Variants in LHFPL2 observed in about 807,000 individuals in gnomAD.
LHFPL2 encodes LHFPL tetraspan subfamily member 2.
Under a neutral mutation model 17.5 loss-of-function variants are expected in LHFPL2, and 7 were observed. The observed-to-expected ratio is 0.40, with a 90% CI of 0.23 to 0.75. The LOEUF is 0.75. Ranked by LOEUF, LHFPL2 falls within the 30% of genes least tolerant of loss-of-function variation. The pLI is 0.37. For missense variants in LHFPL2, 241 were observed against 294.8 expected (o/e 0.82, Z 1.34); for synonymous variants, 134 against 116.2 (o/e 1.15, Z -0.99).
chr5:78,599,209 T>C (rs1309784968), intron 2 of LHFPL2, among the ~76,000 whole-genome samples: 4 of 152,186 alleles, frequency 2.6e-5, no homozygotes, highest in Admixed American at 6.5e-5. Flanking sequence ...TCTCAATTAA[T>C]GTAAATTGTA....
intron 3 of LHFPL2, among the ~76,000 whole-genome samples, chr5:78,552,826 C>T (rs969326266): frequency 1.3e-5 from 2 of 152,122 alleles, no homozygotes; most frequent in East Asian, 1.9e-4. Flanking sequence ...GTGCATAAAG[C>T]GTGTCAATTT....
intron 4 of LHFPL2, among the ~76,000 whole-genome samples, chr5:78,491,587 G>C (rs1033584836): frequency 1.3e-5 from 2 of 152,226 alleles, no homozygotes; most frequent in African/African-American, 4.8e-5. Flanking sequence ...GACCACAGCA[G>C]AGACTCACCA....
chr5:78,624,528 G>C (rs942454319), intron 2 of LHFPL2, among the ~76,000 whole-genome samples: 6 of 152,222 alleles, frequency 3.9e-5, no homozygotes, highest in African/African-American at 1.4e-4. Context: ...AGAGTGGGCA[G>C]ATGAAACCTA....
intron 1 of LHFPL2, among the ~76,000 whole-genome samples, chr5:78,645,540 G>GCATACACATACA (rs200179016): frequency 1.2e-5 from 1 of 86,206 alleles, no homozygotes; most frequent in Non-Finnish European, 2.3e-5. Flanking sequence ...ACAGACAGAT[G>GCATACACATACA]CATACACACA....
chr5:78,647,813 T>C (rs1745937636), intron 1 of LHFPL2, among the ~76,000 whole-genome samples: 1 of 151,078 alleles, frequency 6.6e-6, no homozygotes, highest in African/African-American at 2.4e-5. Flanking sequence ...ACTGGGCCGC[T>C]GAATGGAAGG....
intron 2 of LHFPL2, among the ~76,000 whole-genome samples, chr5:78,584,480 T>G (rs1743288873): frequency 6.6e-6 from 1 of 152,168 alleles, no homozygotes; most frequent in African/African-American, 2.4e-5. Flanking sequence ...GTCCTTTCTG[T>G]TTGTGAGTTT....
chr5:78,644,145 ATG>A, intron 1 of LHFPL2: 1 of 530,490 alleles, frequency 1.9e-6, no homozygotes, highest in East Asian at 3.4e-5. Flanking sequence ...AAAAAAGACA[ATG>A]TACAATTTCA....
chr5:78,619,173 G>A (rs908721406), intron 2 of LHFPL2, among the ~76,000 whole-genome samples: 1 of 152,094 alleles, frequency 6.6e-6, no homozygotes, highest in African/African-American at 2.4e-5. Flanking sequence ...CTAGAAGTGT[G>A]TGCCACCACA....
At chr5:78,571,039 G>C (rs960250727) in intron 2 of LHFPL2, among the ~76,000 whole-genome samples, 1 of 152,088 alleles carries the variant, frequency 6.6e-6, no homozygotes, top group Non-Finnish European at 1.5e-5. Context: ...CACTCTCATG[G>C]AGGCATCTGG....
intron 2 of LHFPL2, among the ~76,000 whole-genome samples, chr5:78,631,407 G>A (rs531653845): frequency 2.0e-4 from 31 of 152,284 alleles, no homozygotes; most frequent in African/African-American, 7.5e-4. Context: ...TACTTGGGAT[G>A]AACGTTCTTC....
chr5:78,642,907 T>C (rs532501062), intron 1 of LHFPL2, among the ~76,000 whole-genome samples: 1 of 152,198 alleles, frequency 6.6e-6, no homozygotes, highest in South Asian at 2.1e-4. Context: ...GCCTCTCCTC[T>C]CTCCACCACC....
chr5:78,610,162 C>T (rs977508705), intron 2 of LHFPL2, among the ~76,000 whole-genome samples: 12 of 152,140 alleles, frequency 7.9e-5, no homozygotes, highest in African/African-American at 2.4e-4. Context: ...ACCAGCCTCC[C>T]AGTCAGCAAT....
At chr5:78,498,352 A>G (rs771529341) in intron 4 of LHFPL2, among the ~76,000 whole-genome samples, 9 of 152,184 alleles carry the variant, frequency 5.9e-5, no homozygotes, top group Non-Finnish European at 1.3e-4. Context: ...GTGACTGAGT[A>G]ATAAGCAGCA....
At chr5:78,578,585 G>GCACACACACACACACACACA (rs61127481) in intron 2 of LHFPL2, among the ~76,000 whole-genome samples, 2 of 146,892 alleles carry the variant, frequency 1.4e-5, no homozygotes, top group African/African-American at 5.0e-5. Flanking sequence ...TTGCATATGT[G>GCACACACACACACACACACA]CACACACACA....
chr5:78,557,364 C>T (rs1206618814), intron 3 of LHFPL2, among the ~76,000 whole-genome samples: 1 of 152,208 alleles, frequency 6.6e-6, no homozygotes, highest in Admixed American at 6.5e-5. Context: ...ACTGGTGACC[C>T]TGACCTTGAA....
At chr5:78,590,560 G>A (rs994636370) in intron 2 of LHFPL2, among the ~76,000 whole-genome samples, 3 of 152,074 alleles carry the variant, frequency 2.0e-5, no homozygotes, top group Non-Finnish European at 4.4e-5. Context: ...AAGAATCACA[G>A]AGGCATACAA....
intron 2 of LHFPL2, among the ~76,000 whole-genome samples, chr5:78,598,294 A>G (rs937670136): frequency 1.3e-5 from 2 of 152,218 alleles, no homozygotes; most frequent in East Asian, 3.8e-4. Flanking sequence ...AATTACTATG[A>G]TAATAAGCCA....
chr5:78,633,959 C>G (rs1232488835), intron 1 of LHFPL2, among the ~76,000 whole-genome samples: 5 of 152,056 alleles, frequency 3.3e-5, no homozygotes, highest in Non-Finnish European at 7.4e-5. Flanking sequence ...ATTAGAGGGT[C>G]AAGTTTCTTC....
intron 1 of LHFPL2, among the ~76,000 whole-genome samples, chr5:78,639,396 T>C (rs1437111929): frequency 6.6e-6 from 1 of 152,122 alleles, no homozygotes; most frequent in Non-Finnish European, 1.5e-5. Context: ...GCACACCCAC[T>C]TACCAAAAGG....
Sources: allele counts gnomAD v4.1 joint callset (sites outside exome capture counted in the v4.1 genomes callset), GRCh38; gene constraint gnomAD v4.1.1; transcripts MANE v1.5; gene names NCBI Gene and HGNC (gene_info 2026-07-23, HGNC 2026-07-21).